Variants in PCDH7 observed in about 807,000 individuals in gnomAD.
PCDH7 encodes the protein protocadherin 7.
PCDH7 carries 17 observed loss-of-function variants against 58.9 expected under a neutral mutation model. That is an observed-to-expected ratio of 0.29 (90% CI 0.20 to 0.43). The LOEUF (loss-of-function observed/expected upper bound fraction) is 0.43, where lower values mean the gene tolerates loss of function less well. PCDH7 is among the 20% of genes least tolerant of loss of function. The pLI, the probability that PCDH7 is intolerant of heterozygous loss-of-function variation, is 1.00. For missense variants in PCDH7, 1,274 were observed against 1,441.0 expected, an observed-to-expected ratio of 0.88 and a Z score of 1.88; for synonymous variants, 664 against 616.4, an observed-to-expected ratio of 1.08 and a Z score of -1.14.
rs538619391 is a variant in PCDH7, at chr4:30,864,063, C to T, written c.71-56090C>T. Among the ~76,000 whole-genome samples, 3 of 152,186 alleles carry T rather than the reference C, an allele frequency of 2.0e-5. No individual in the cohort carries two copies. The East Asian group carries it at 5.8e-4, about 30-fold the overall frequency. On this transcript the variant is annotated intron_variant, in intron 1 of 3. Transcript: ENST00000509759. ...CTCAATACAGTGCACAAAAGACTGG[C>T]AGAGGAATTCTGCAACCAGAGAGGA... is the stretch of plus-strand genomic sequence containing the variant.
At chr4:31,005,238 T>C (rs1483512282) in intron 3 of PCDH7, among the ~76,000 whole-genome samples, 6 of 152,180 alleles carry the variant, frequency 3.9e-5, no homozygotes, top group Non-Finnish European at 5.9e-5. Context: ...GGGCTATTTA[T>C]AATGGGAAGG....
intron 1 of PCDH7, among the ~76,000 whole-genome samples, chr4:30,770,319 T>G (rs1390672993): frequency 6.6e-6 from 1 of 152,228 alleles, no homozygotes; most frequent in Non-Finnish European, 1.5e-5. Flanking sequence ...CTTCAAGGAA[T>G]AAATCATTAT....
chr4:30,791,084 G>T (rs1031667229), intron 1 of PCDH7, among the ~76,000 whole-genome samples: 1 of 152,158 alleles, frequency 6.6e-6, no homozygotes, highest in East Asian at 1.9e-4. Context: ...TTTTGAAAAT[G>T]AGTATCTTGC....
At chr4:31,101,944 C>G (rs1016902647) in intron 3 of PCDH7, among the ~76,000 whole-genome samples, 2 of 152,154 alleles carry the variant, frequency 1.3e-5, no homozygotes, top group African/African-American at 4.8e-5. Flanking sequence ...TTAACAAACT[C>G]ATCTTTTTAT....
chr4:30,784,623 A>T (rs550681933), intron 1 of PCDH7, among the ~76,000 whole-genome samples: 30 of 152,152 alleles, frequency 2.0e-4, no homozygotes, highest in East Asian at 5.8e-4. Flanking sequence ...CTATTTTTTT[A>T]AAAAAATGTT....
chr4:30,978,789 T>C (rs1335031180), intron 3 of PCDH7, among the ~76,000 whole-genome samples: 2 of 152,184 alleles, frequency 1.3e-5, no homozygotes, highest in South Asian at 2.1e-4. Flanking sequence ...ATTAATGTAC[T>C]ACATGTAAGT....
chr4:30,968,891 T>G (rs2109470458), intron 3 of PCDH7, among the ~76,000 whole-genome samples: 1 of 152,292 alleles, frequency 6.6e-6, no homozygotes, highest in South Asian at 2.1e-4. Flanking sequence ...CTGTTACAAT[T>G]TTTCTGTCTT....
intron 3 of PCDH7, among the ~76,000 whole-genome samples, chr4:31,108,786 G>C (rs1488042949): frequency 6.6e-6 from 1 of 151,990 alleles, no homozygotes; most frequent in African/African-American, 2.4e-5. Context: ...AGTCATATAA[G>C]AAGAAAGGAT....
intron 3 of PCDH7, among the ~76,000 whole-genome samples, chr4:31,038,335 T>C (rs960571461): frequency 6.6e-6 from 1 of 152,200 alleles, no homozygotes; most frequent in Non-Finnish European, 1.5e-5. Context: ...TTATAATTAT[T>C]ATTTACATTA....
At chr4:31,072,453 T>A (rs183575524) in intron 3 of PCDH7, among the ~76,000 whole-genome samples, 117 of 152,116 alleles carry the variant, frequency 7.7e-4, no homozygotes, top group African/African-American at 2.5e-3. Context: ...TAATTTTTTT[T>A]AAAAAAGGAG....
intron 1 of PCDH7, among the ~76,000 whole-genome samples, chr4:30,786,365 G>C (rs1723395362): frequency 6.6e-6 from 1 of 151,922 alleles, no homozygotes; most frequent in Non-Finnish European, 1.5e-5. Flanking sequence ...ATTTGTATTT[G>C]TAATATAAAG....
intron 1 of PCDH7, among the ~76,000 whole-genome samples, chr4:30,852,766 A>C (rs1011678335): frequency 6.9e-6 from 1 of 144,402 alleles, no homozygotes; most frequent in Non-Finnish European, 1.5e-5. Flanking sequence ...AGGTTAAGCA[A>C]TTGGTAGAAA....
intron 3 of PCDH7, among the ~76,000 whole-genome samples, chr4:31,023,514 A>G (rs1334473205): frequency 6.6e-6 from 1 of 152,170 alleles, no homozygotes; most frequent in Non-Finnish European, 1.5e-5. Context: ...AAATTACCTG[A>G]AGTAAAACTG....
At chr4:30,872,601 G>T (rs541791763) in intron 1 of PCDH7, among the ~76,000 whole-genome samples, 9 of 152,062 alleles carry the variant, frequency 5.9e-5, no homozygotes, top group African/African-American at 2.2e-4. Context: ...GGGTAGCTGT[G>T]ATCTCGAATG....
In PCDH7 at chr4:31,003,378, G is replaced by GTT. The variant is rs57481302; in HGVS notation, c.*7+53173_*7+53174dup. Among the ~76,000 whole-genome samples, 230 of 146,848 alleles carry GTT rather than the reference G, an allele frequency of 1.6e-3. 1 individual carries two copies. The highest frequency in any genetic ancestry group is 3.6e-3 in the Middle Eastern group (1 of 280). ...GTAAACATTTCACCACAAAAATACT[G>GTT]TTTTTTTTTTTCTTCTTTACCAATT... is the stretch of plus-strand genomic sequence containing the variant. On this transcript the variant is annotated intron_variant, in intron 3 of 3. Coordinates refer to the PCDH7 transcript ENST00000509759.
At chr4:30,928,527 T>C (rs1251941951) in intron 2 of PCDH7, among the ~76,000 whole-genome samples, 1 of 152,140 alleles carries the variant, frequency 6.6e-6, no homozygotes, top group African/African-American at 2.4e-5. Context: ...AATCTCGGCC[T>C]TTAAGATGGA....
At chr4:31,102,565 A>G (rs1030223201) in intron 3 of PCDH7, among the ~76,000 whole-genome samples, 6 of 152,128 alleles carry the variant, frequency 3.9e-5, no homozygotes, top group African/African-American at 1.2e-4. Context: ...TCTACTAAAA[A>G]TACAAAAATT....
intron 1 of PCDH7, among the ~76,000 whole-genome samples, chr4:30,865,165 A>G (rs1734714338): frequency 6.6e-6 from 1 of 152,106 alleles, no homozygotes; most frequent in Admixed American, 6.6e-5. Flanking sequence ...GAAGGAAGTC[A>G]GGATGATGAA....
At chr4:30,864,978 C>G (rs940833462) in intron 1 of PCDH7, among the ~76,000 whole-genome samples, 1 of 151,968 alleles carries the variant, frequency 6.6e-6, no homozygotes, top group African/African-American at 2.4e-5. Flanking sequence ...GTGGCTTTCA[C>G]AACAAAATGA....
Sources: allele counts gnomAD v4.1 joint callset (sites outside exome capture counted in the v4.1 genomes callset), GRCh38; gene constraint gnomAD v4.1.1; transcripts MANE v1.5; gene names NCBI Gene and HGNC (gene_info 2026-07-23, HGNC 2026-07-21).